PCDHA2: variants seen among roughly 807,000 people sequenced by gnomAD.
The protein encoded by PCDHA2 is protocadherin alpha-2.
PCDHA2 carries 58 observed loss-of-function variants against 66.0 expected under a neutral mutation model. The observed-to-expected ratio is 0.88, with a 90% CI of 0.71 to 1.09. PCDHA2 has a LOEUF of 1.09. Ranked by LOEUF, PCDHA2 falls within the 50% of genes least tolerant of loss-of-function variation. The pLI, the probability that PCDHA2 is intolerant of heterozygous loss-of-function variation, is 0.00. For synonymous variants in PCDHA2, 634 were observed against 554.0 expected (o/e 1.14, Z -2.03); for missense variants, 1,267 against 1,242.3 (o/e 1.02, Z -0.30).
At chr5:140,821,973 G>A (rs2150112441) in intron 1 of PCDHA2, 2 of 1,614,176 alleles carry the variant, frequency 1.2e-6, no homozygotes, top group Non-Finnish European at 1.7e-6. Context: ...TCCGGGTGGC[G>A]TCCAAGGGCC....
intron 1 of PCDHA2, 167 bp from the exon 2 acceptor site, chr5:140,978,782 A>T (rs782295456): frequency 3.1e-5 from 30 of 971,664 alleles, no homozygotes; most frequent in Non-Finnish European, 3.7e-5. Context: ...TTTTCTTCTA[A>T]AGTGCTATAT....
At chr5:141,002,333 G>A (rs782123745) in intron 3 of PCDHA2, among the ~76,000 whole-genome samples, 15 of 152,314 alleles carry the variant, frequency 9.8e-5, no homozygotes, top group Non-Finnish European at 1.8e-4. Flanking sequence ...GGCTGCATCC[G>A]CACCCCTTCC....
At chr5:140,821,010 C>T (rs1020612182) in intron 1 of PCDHA2, among the ~76,000 whole-genome samples, 1 of 151,734 alleles carries the variant, frequency 6.6e-6, no homozygotes, top group African/African-American at 2.4e-5. Context: ...AGGTTTTCAT[C>T]GATTTGAAAA....
chr5:140,897,389 C>G (rs1212817070), intron 1 of PCDHA2, among the ~76,000 whole-genome samples: 1 of 139,546 alleles, frequency 7.2e-6, no homozygotes, highest in Non-Finnish European at 1.5e-5. Context: ...CTTCCTGTGT[C>G]CATGTGTTCT....
rs781893809 is a variant in PCDHA2 at position 140,883,492 on chromosome 5, G to T, written c.2388+86140G>T. On this transcript the variant is annotated intron_variant, in intron 1 of 3. Transcript: ENST00000526136. ...CCTACAAGAACTACTACTCATTAGT[G>T]CTGGACAGCGCCCTGGACCGCGAGA... The T allele has an allele frequency of 4.3e-5, 69 of 1,614,058 alleles. 1 individual carries two copies. In the South Asian group the frequency reaches 7.5e-4, roughly 17 times the overall value.
At chr5:140,843,153 T>A (rs2150353928) in intron 1 of PCDHA2, 80,196 of 1,595,968 alleles carry the variant, frequency 0.05, 9,743 homozygotes, top group Non-Finnish European at 0.06. Flanking sequence ...TCGTATGAGC[T>A]GCAGCCAGCT....
chr5:140,997,071 A>G lies in PCDHA2; in HGVS notation c.2537-12556A>G, dbSNP rs554920320. Among the ~76,000 whole-genome samples, 444 of 152,266 alleles carry G rather than the reference A, an allele frequency of 2.9e-3. 5 individuals carry two copies. Among genetic ancestry groups the G allele is most frequent in the Non-Finnish European group, 4.4e-3 (297 of 68,014 alleles). Reference sequence around the variant, plus strand: ...TTTAGAGCAGTTTTAGGTTCACAGGAAAGTTGAGTAGAAAGTGCAGAGTTC... The same window carrying G: ...TTTAGAGCAGTTTTAGGTTCACAGGGAAGTTGAGTAGAAAGTGCAGAGTTC... On this transcript the variant is annotated intron_variant, in intron 3 of 3. Coordinates refer to ENST00000526136, the MANE Select transcript of PCDHA2 (RefSeq NM_018905.3).
chr5:140,833,965 GA>G (rs2150212449), intron 1 of PCDHA2, among the ~76,000 whole-genome samples: 47 of 152,008 alleles, frequency 3.1e-4, no homozygotes, highest in South Asian at 4.2e-4. Context: ...AAAACTGTGT[GA>G]AAAAAAAGTT....
chr5:140,886,917 T>C (rs893093876), intron 1 of PCDHA2, among the ~76,000 whole-genome samples: 12 of 152,044 alleles, frequency 7.9e-5, no homozygotes, highest in Non-Finnish European at 1.8e-4. Flanking sequence ...TTATTGAGTG[T>C]TCTCTATGTG....
Position 140,821,010 on chromosome 5 carries a change from C to G in PCDHA2, c.2388+23658C>G, listed in dbSNP as rs1020612182. ...TATAGATAAAGAAATAGGTTTTCAT[C>G]GATTTGAAAATTAGAACTCCGAGAA... On this transcript the variant is annotated intron_variant, in intron 1 of 3. Coordinates refer to ENST00000526136, the MANE Select transcript of PCDHA2 (RefSeq NM_018905.3). Among the ~76,000 whole-genome samples the G allele has an allele frequency of 3.3e-5, 5 of 151,734 alleles. No homozygotes were observed. In the South Asian group the frequency reaches 1.0e-3, roughly 32 times the overall value.
intron 1 of PCDHA2, among the ~76,000 whole-genome samples, chr5:140,952,338 CAAAA>C (rs55931446): frequency 9.9e-4 from 134 of 134,976 alleles, no homozygotes; most frequent in Admixed American, 2.2e-3. Context: ...AACTCCATCT[CAAAA>C]AAAAAAAAAA....
chr5:140,828,066 T>C, intron 1 of PCDHA2: 1 of 1,560,076 alleles, frequency 6.4e-7, no homozygotes, highest in South Asian at 1.2e-5. Context: ...GATCTTCTAA[T>C]GGAAATAAAA....
chr5:140,833,929 T>C (rs2150212169), intron 1 of PCDHA2, among the ~76,000 whole-genome samples: 2 of 152,330 alleles, frequency 1.3e-5, no homozygotes, highest in South Asian at 4.1e-4. Context: ...AAATTCATGT[T>C]GTCACTTAGG....
rs368166956 is a variant in PCDHA2, at chr5:140,870,187, G to T, written c.2388+72835G>T. On this transcript the variant is annotated intron_variant, in intron 1 of 3. Coordinates refer to ENST00000526136, the MANE Select transcript of PCDHA2 (RefSeq NM_018905.3). Reference sequence around the variant, plus strand: ...CTTGTCCCTCCCAGTACGAGAGGACGCTCAGCCCAGCACGGTCATTGCCCT... The same window carrying T: ...CTTGTCCCTCCCAGTACGAGAGGACTCTCAGCCCAGCACGGTCATTGCCCT... 55 of 1,614,092 alleles carry T rather than the reference G, an allele frequency of 3.4e-5. No individual in the cohort carries two copies. The African/African-American group carries it at 6.5e-4, about 19-fold the overall frequency.
intron 1 of PCDHA2, among the ~76,000 whole-genome samples, chr5:140,924,244 C>T (rs1375839311): frequency 6.6e-6 from 1 of 152,152 alleles, no homozygotes; most frequent in East Asian, 1.9e-4. Flanking sequence ...TGTTTTGCAT[C>T]CTGGTGAGAT....
At chr5:140,837,875 A>C (rs2150280386) in intron 1 of PCDHA2, among the ~76,000 whole-genome samples, 2,117 of 151,504 alleles carry the variant, frequency 0.014, 49 homozygotes, top group African/African-American at 0.049. Flanking sequence ...GACAGGGTGG[A>C]GTCTTGTTTC....
chr5:140,928,043 C>A (rs1554205400), intron 1 of PCDHA2: 1 of 1,614,192 alleles, frequency 6.2e-7, no homozygotes, highest in Non-Finnish European at 8.5e-7. Context: ...AGTGCAGGCC[C>A]TTTTCAGCTG....
chr5:140,882,323 C>G, intron 1 of PCDHA2: 1 of 1,614,216 alleles, frequency 6.2e-7, no homozygotes, highest in African/African-American at 1.3e-5. Context: ...GCTCTGGCTT[C>G]TGATCCTCGC....
rs191954731 is a variant in PCDHA2 at position 140,913,936 on chromosome 5, A to G, written c.2389-65013A>G. Among the ~76,000 whole-genome samples the G allele has an allele frequency of 7.5e-3, 1,149 of 152,268 alleles. 4 individuals are homozygous for G. Among genetic ancestry groups the G allele is most frequent in the Admixed American group, 0.013 (194 of 15,286 alleles). ...AATTTTACTTCATTGTGGTCAGAGA[A>G]GAATCTTGATATGATATCATTTTTA... On this transcript the variant is annotated intron_variant, in intron 1 of 3. Transcript: ENST00000526136.
Sources: allele counts gnomAD v4.1 joint callset (sites outside exome capture counted in the v4.1 genomes callset), GRCh38; gene constraint gnomAD v4.1.1; transcripts MANE v1.5; gene names NCBI Gene and HGNC (gene_info 2026-07-23, HGNC 2026-07-21).